The following PEX1 variants were observed in gnomAD, a reference collection of about 807,000 sequenced individuals.
PEX1 encodes peroxisomal ATPase PEX1.
Under a neutral mutation model 152.5 loss-of-function variants are expected in PEX1, and 97 were observed. The observed-to-expected ratio is 0.64, with a 90% CI of 0.54 to 0.75. PEX1 has a LOEUF of 0.75. Ranked by LOEUF, PEX1 falls within the 30% of genes least tolerant of loss-of-function variation. The pLI, the probability that PEX1 is intolerant of heterozygous loss-of-function variation, is 0.00. For missense variants in PEX1, 1,357 were observed against 1,516.3 expected (o/e 0.89, Z 1.74); for synonymous variants, 485 against 531.6 (o/e 0.91, Z 1.21).
intron 13 of PEX1, among the ~76,000 whole-genome samples, chr7:92,502,458 A>AT (rs963129655): frequency 7.3e-5 from 11 of 151,640 alleles, no homozygotes; most frequent in African/African-American, 2.2e-4. Context: ...TCCTTTAAGA[A>AT]TTTTTTTTTG....
Position 92,518,183 on chromosome 7 carries a change from G to A in PEX1, c.430C>T (p.Pro144Ser). ...IRIVFPKAIF[P>S]VWVDQQTYIF... ...TACGTTTGTTGATCAACCCAAACAGGAAAAATGGCTTTTGGAAAAACTATT... is the reference window on the plus strand; with the variant it reads ...TACGTTTGTTGATCAACCCAAACAGAAAAAATGGCTTTTGGAAAAACTATT... Residue 144 changes from proline to serine, a missense_variant, in exon 4 of 24, where the codon CCT (proline) becomes TCT (serine). Transcript: ENST00000248633. 6.2e-7 allele frequency: 1 copy of A among 1,613,698 alleles called. No homozygotes were observed. The highest frequency in any genetic ancestry group is 8.5e-7 in the Non-Finnish European group (1 of 1,179,728).
intron 21 of PEX1, among the ~76,000 whole-genome samples, chr7:92,491,058 G>A (rs759167178): frequency 1.3e-5 from 2 of 152,136 alleles, no homozygotes; most frequent in Admixed American, 6.6e-5. Flanking sequence ...ACAACCACGC[G>A]CTACTTTGGT....
intron 11 of PEX1, among the ~76,000 whole-genome samples, chr7:92,505,328 GCTTGAAC>G (rs1361312831): frequency 2.0e-5 from 3 of 150,712 alleles, no homozygotes; most frequent in Non-Finnish European, 4.4e-5. Context: ...CACGAGAATT[GCTTGAAC>G]CTGGGAGGTG....
Position 92,494,389 on chromosome 7 carries a change from A to G in PEX1, c.2934T>C (p.Tyr978=), listed in dbSNP as rs755770436. 2.5e-6 allele frequency: 4 copies of G among 1,613,850 alleles called. No individual in the cohort carries two copies. The highest frequency in any genetic ancestry group is 3.4e-6 in the Non-Finnish European group (4 of 1,179,882). ...CAGGGCGACTAGTAGCAGCCAATAC[A>G]TAAACACCTAGAGGAAAAAAGAACA... ...LDGVEGLQGV[Y]VLAATSRPDL... The change falls in exon 19 of 24, where the codon TAT becomes TAC. Residue 978 remains tyrosine, a synonymous_variant. Coordinates refer to ENST00000248633, the MANE Select transcript of PEX1 (RefSeq NM_000466.3).
intron 10 of PEX1, chr7:92,506,729 A>G (rs1281623450): frequency 1.1e-5 from 6 of 523,446 alleles, no homozygotes; most frequent in African/African-American, 3.8e-5. Flanking sequence ...CTAATAGCCT[A>G]AAAAAGAAAA....
chr7:92,496,070 C>T (rs1791638419), intron 17 of PEX1, among the ~76,000 whole-genome samples: 1 of 151,864 alleles, frequency 6.6e-6, no homozygotes, highest in Admixed American at 6.6e-5. Flanking sequence ...ATGCTTTTTC[C>T]TGGTAAACTC....
intron 7 of PEX1, 22 bp from the exon 8 acceptor site, chr7:92,511,069 A>G (rs1428437970): frequency 1.9e-6 from 2 of 1,053,640 alleles, no homozygotes; most frequent in Admixed American, 3.4e-5. Context: ...AAAGTAATAA[A>G]TGCAGAGTTA....
intron 7 of PEX1, 90 bp downstream of exon 7, chr7:92,511,490 A>G: frequency 1.0e-6 from 1 of 960,596 alleles, no homozygotes; most frequent in Admixed American, 2.0e-5. Context: ...CTATTCACAT[A>G]CTGTTCACAG....
chr7:92,517,856 G>A lies in PEX1; in HGVS notation c.659C>T (p.Ser220Leu), dbSNP rs759048090. The A allele has an allele frequency of 4.5e-6, 7 of 1,542,214 alleles. No homozygotes were observed. The Admixed American group carries it at 1.3e-4, about 28-fold the overall frequency. Reference protein sequence around the residue: ...MKELQTKQLQSNTVGITESNE... With the variant: ...MKELQTKQLQLNTVGITESNE... ...AGATTCAGTGATTCCCACAGTATTT[G>A]ACTGAAGTTGCTTGGTTTGAAGTTC... Residue 220 changes from serine (S) to leucine (L), a missense_variant, in exon 5 of 24, where the codon TCA becomes TTA. By Grantham distance (145) the Ser-to-Leu change is moderately radical. Coordinates refer to ENST00000248633, the MANE Select transcript of PEX1 (RefSeq NM_000466.3).
chr7:92,516,070 G>GAGAA (rs1585252232), intron 5 of PEX1, among the ~76,000 whole-genome samples: 20 of 121,564 alleles, frequency 1.6e-4, no homozygotes, highest in South Asian at 8.8e-4. Context: ...GAAAAGAAAA[G>GAGAA]AAAAGAAAAG....
chr7:92,522,192 C>T lies in PEX1; in HGVS notation c.183G>A (p.Val61=). 1 of 1,614,054 alleles carries T rather than the reference C, an allele frequency of 6.2e-7. No homozygotes were observed. The highest frequency in any genetic ancestry group is 8.5e-7 in the Non-Finnish European group (1 of 1,179,948). ...CTTGATCACTAAAATGCCTGCCTTC[C>T]ACCCAGCTCAAGAATGCAGGCTGGT... ...WSHQPAFLSW[V]EGRHFSDQGE... is the part of the protein sequence containing the mutation. Residue 61 remains valine (V), a synonymous_variant, in exon 2 of 24, where the codon GTG becomes GTA. Transcript: ENST00000248633.
intron 1 of PEX1, among the ~76,000 whole-genome samples, chr7:92,523,620 C>T (rs1793143728): frequency 6.6e-6 from 1 of 151,746 alleles, no homozygotes; most frequent in Non-Finnish European, 1.5e-5. Context: ...TGCCCAGCCA[C>T]ATATATCATT....
chr7:92,528,249 G>A (rs1446830410), intron 1 of PEX1, 58 bp downstream of exon 1: 16 of 1,542,208 alleles, frequency 1.0e-5, no homozygotes, highest in Non-Finnish European at 1.4e-5. Flanking sequence ...TCCCTGAGAG[G>A]CTTCGGCCTC....
At chr7:92,520,327 G>A (rs2116259106) in intron 2 of PEX1, among the ~76,000 whole-genome samples, 1 of 152,256 alleles carries the variant, frequency 6.6e-6, no homozygotes, top group African/African-American at 2.4e-5. Context: ...GGTCCGTCTG[G>A]TGCTAAAATT....
chr7:92,514,772 C>T (rs1408563195), intron 5 of PEX1, among the ~76,000 whole-genome samples: 1 of 152,052 alleles, frequency 6.6e-6, no homozygotes, highest in Non-Finnish European at 1.5e-5. Context: ...TTTACCTCAG[C>T]CGGGCGCAGT....
At chr7:92,515,061 A>C (rs1792662912) in intron 5 of PEX1, among the ~76,000 whole-genome samples, 1 of 136,042 alleles carries the variant, frequency 7.4e-6, no homozygotes, top group African/African-American at 2.7e-5. Flanking sequence ...AAAAAAAAAA[A>C]ATTATCTATA....
Position 92,519,011 on chromosome 7 carries a change from TC to T in PEX1, c.340del (p.Asp114MetfsTer18). On this transcript the variant is annotated frameshift_variant, in exon 3 of 24. Coordinates refer to ENST00000248633, the MANE Select transcript of PEX1 (RefSeq NM_000466.3). LOFTEE classifies it high-confidence loss of function. ...QQVEVEPLSA[D>X]DWEILELHAV... ...TTTCTTTACCAGTATCTCCCAATCA[TC>T]TGCTGAGAGGGGTTCCACCTCAACT... The T allele has an allele frequency of 6.2e-7, 1 of 1,610,594 alleles. No homozygotes were observed. Among genetic ancestry groups the T allele is most frequent in the South Asian group, 1.1e-5 (1 of 91,022 alleles).
At chr7:92,496,841 A>C in intron 16 of PEX1, 64 bp from the exon 17 acceptor site, 4 of 1,024,850 alleles carry the variant, frequency 3.9e-6, no homozygotes, top group Non-Finnish European at 6.2e-6. Context: ...TTGGTTTCTG[A>C]CTAAGTCTAA....
At chr7:92,523,534 G>A (rs553514870) in intron 1 of PEX1, among the ~76,000 whole-genome samples, 2 of 151,978 alleles carry the variant, frequency 1.3e-5, no homozygotes, top group South Asian at 4.2e-4. Flanking sequence ...GCTTAGGCTG[G>A]TCTTAAGCTC....
Sources: gnomAD v4.1 joint callset for allele counts (sites outside exome capture counted in the v4.1 genomes callset) on GRCh38, gnomAD v4.1.1 for gene constraint, MANE v1.5 for transcripts, NCBI Gene and HGNC (gene_info 2026-07-23, HGNC 2026-07-21) for gene names.